FNBP1L: variants seen among roughly 807,000 people sequenced by gnomAD.
FNBP1L encodes the protein formin binding protein 1 like, also known as formin-binding protein 1-like.
FNBP1L carries 36 observed loss-of-function variants against 91.2 expected under a neutral mutation model. That is an observed-to-expected ratio of 0.39 (90% CI 0.30 to 0.52). FNBP1L has a LOEUF of 0.52. FNBP1L is among the 20% of genes least tolerant of loss of function. FNBP1L has a pLI of 0.66. For synonymous variants in FNBP1L, 242 were observed against 237.0 expected (o/e 1.02, Z -0.19); for missense variants, 571 against 732.1 (o/e 0.78, Z 2.54).
intron 2 of FNBP1L, among the ~76,000 whole-genome samples, chr1:93,521,791 A>G (rs1367744429): frequency 2.6e-5 from 4 of 152,160 alleles, no homozygotes; most frequent in Admixed American, 6.5e-5. Flanking sequence ...TGTTTCTTCT[A>G]TTCTTCCTCT....
intron 1 of FNBP1L, among the ~76,000 whole-genome samples, chr1:93,473,510 T>G (rs934503366): frequency 2.0e-5 from 3 of 152,158 alleles, no homozygotes; most frequent in African/African-American, 7.2e-5. Flanking sequence ...ACCTAGAGAT[T>G]TATTAATCCT....
chr1:93,499,368 A>G, intron 1 of FNBP1L, 100 bp from the exon 2 acceptor site: 1 of 757,824 alleles, frequency 1.3e-6, no homozygotes. Context: ...TTTTCCTTTT[A>G]TACCTCATTG....
chr1:93,533,262 TAA>T (rs10541830), intron 8 of FNBP1L, among the ~76,000 whole-genome samples, 194 bp downstream of exon 8: 14 of 142,118 alleles, frequency 9.9e-5, no homozygotes, highest in African/African-American at 2.8e-4. Flanking sequence ...AATTCTTTCT[TAA>T]AAAAAAAAAA....
chr1:93,517,877 C>G (rs1052467755), intron 2 of FNBP1L, among the ~76,000 whole-genome samples: 1 of 152,208 alleles, frequency 6.6e-6, no homozygotes, highest in African/African-American at 2.4e-5. Flanking sequence ...GGCTTTGTCA[C>G]TTACTGGCTG....
chr1:93,449,935 A>G (rs944869644), intron 1 of FNBP1L, among the ~76,000 whole-genome samples: 2 of 152,034 alleles, frequency 1.3e-5, no homozygotes, highest in Non-Finnish European at 2.9e-5. Flanking sequence ...GAGTGCATTC[A>G]TTCGTTTTTA....
At chr1:93,497,655 T>C (rs1440020354) in intron 1 of FNBP1L, among the ~76,000 whole-genome samples, 7 of 152,226 alleles carry the variant, frequency 4.6e-5, no homozygotes, top group Non-Finnish European at 7.3e-5. Context: ...AGTCTCACTC[T>C]ATTGCCCAGA....
At chr1:93,552,027 CTTT>C in intron 16 of FNBP1L, 1 of 1,011,348 alleles carries the variant, frequency 9.9e-7, no homozygotes, top group Non-Finnish European at 1.2e-6. Context: ...AAAGGAGAAA[CTTT>C]TTGACTATCT....
rs759126466 is a variant in FNBP1L at position 93,547,347 on chromosome 1, G to A, written c.1408G>A (p.Ala470Thr). ...TTGTTTGCTTATTTTTTTTCCTAAG[G>A]CTTGGCTCTCTGAAGTCGAAGGCAA... ...RLRMEIHKNE[A>T]WLSEVEGKTG... The change falls in exon 14 of 17, where the codon GCT becomes ACT. Residue 470 changes from alanine (A) to threonine (T), a missense_variant and splice_region_variant. Coordinates refer to ENST00000271234, the MANE Select transcript of FNBP1L (RefSeq NM_001164473.3). The A allele has an allele frequency of 3.2e-6, 5 of 1,554,544 alleles. No individual in the cohort carries two copies. Among genetic ancestry groups the A allele is most frequent in the Non-Finnish European group, 3.5e-6 (4 of 1,148,248 alleles).
intron 2 of FNBP1L, among the ~76,000 whole-genome samples, chr1:93,509,753 C>T (rs148739487): frequency 1.3e-3 from 204 of 152,304 alleles, no homozygotes; most frequent in African/African-American, 4.5e-3. Context: ...AGTGGGTGCA[C>T]GCACCGTGCA....
rs576777219 is a variant in FNBP1L at position 93,472,884 on chromosome 1, A to G, written c.24+24579A>G. On this transcript the variant is annotated intron_variant, in intron 1 of 16. Transcript: ENST00000271234. ...TTGTTAGTTTACCATAAAGCTGTTA[A>G]GAATATTGCTGATTGCATTATCGTG... Among the ~76,000 whole-genome samples the G allele has an allele frequency of 2.0e-5, 3 of 148,970 alleles. No homozygotes were observed. In the South Asian group the frequency reaches 6.5e-4, roughly 32 times the overall value.
chr1:93,516,727 A>G (rs533660300), intron 2 of FNBP1L, among the ~76,000 whole-genome samples: 2 of 152,252 alleles, frequency 1.3e-5, no homozygotes, highest in Non-Finnish European at 2.9e-5. Context: ...AAAAAAAAAA[A>G]GTAGTCAATC....
chr1:93,532,635 G>A (rs1195889945), intron 7 of FNBP1L, among the ~76,000 whole-genome samples: 1 of 152,020 alleles, frequency 6.6e-6, no homozygotes, highest in African/African-American at 2.4e-5. Context: ...TATGGGGCAG[G>A]GAGCTGATAG....
intron 10 of FNBP1L, among the ~76,000 whole-genome samples, chr1:93,538,727 A>G (rs961212413): frequency 6.6e-6 from 1 of 152,138 alleles, no homozygotes; most frequent in African/African-American, 2.4e-5. Context: ...GTCTATTAAG[A>G]TTACAAAATA....
chr1:93,476,392 A>G (rs911533474), intron 1 of FNBP1L, among the ~76,000 whole-genome samples: 3 of 152,196 alleles, frequency 2.0e-5, no homozygotes, highest in Non-Finnish European at 2.9e-5. Context: ...ATGAGATAAT[A>G]TATAAAAGCA....
At position 93,549,400 on chromosome 1, in the gene FNBP1L, A is replaced by G; in HGVS notation, c.1625A>G (p.His542Arg). The G allele has an allele frequency of 1.2e-6, 2 of 1,601,112 alleles. No homozygotes were observed. The highest frequency in any genetic ancestry group is 1.7e-6 in the Non-Finnish European group (2 of 1,176,146). ...EDDDPLPAIG[H>R]CKAIYPFDGH... is the part of the protein sequence containing the mutation. ...GATGATCCCTTGCCTGCTATTGGAC[A>G]CTGCAAAGCTATCTACCCTTTTGAT... Residue 542 changes from histidine (H) to arginine (R), a missense_variant, in exon 15 of 17, where the codon CAC (histidine) becomes CGC (arginine). His to Arg is a conservative substitution (Grantham distance 29). This residue lies in a region of FNBP1L where 189 missense variants were observed against 219.7 expected (regional missense o/e 0.86). Coordinates refer to ENST00000271234, the MANE Select transcript of FNBP1L (RefSeq NM_001164473.3).
At chr1:93,538,667 GAAGGT>G (rs1483936274) in intron 10 of FNBP1L, among the ~76,000 whole-genome samples, 9 of 151,888 alleles carry the variant, frequency 5.9e-5, no homozygotes, top group Non-Finnish European at 1.3e-4. Context: ...TCAAAAAGAA[GAAGGT>G]AAGCTTTAGT....
At chr1:93,530,619 G>T in intron 6 of FNBP1L, 136 bp from the exon 7 acceptor site, 1 of 856,828 alleles carries the variant, frequency 1.2e-6, no homozygotes, top group South Asian at 1.7e-5. Flanking sequence ...GTTCAAAAAA[G>T]TTATGCCACG....
chr1:93,489,638 GA>G (rs1223531290), intron 1 of FNBP1L, among the ~76,000 whole-genome samples: 1 of 151,890 alleles, frequency 6.6e-6, no homozygotes, highest in Non-Finnish European at 1.5e-5. Flanking sequence ...TTAAATTTAA[GA>G]AAAAATTAAA....
At chr1:93,507,798 A>G (rs553278360) in intron 2 of FNBP1L, among the ~76,000 whole-genome samples, 2 of 151,940 alleles carry the variant, frequency 1.3e-5, no homozygotes, top group South Asian at 4.2e-4. Flanking sequence ...ATAGGTGTAC[A>G]CCACCGCATC....
Sources: allele counts gnomAD v4.1 joint callset (sites outside exome capture counted in the v4.1 genomes callset), GRCh38; gene constraint gnomAD v4.1.1; regional missense constraint gnomAD v4.1.1; transcripts MANE v1.5; gene names NCBI Gene and HGNC (gene_info 2026-07-23, HGNC 2026-07-21).